The following CLTCL1 variants were observed in gnomAD, a reference collection of about 807,000 sequenced individuals.
The protein encoded by CLTCL1 is clathrin heavy chain like 1.
A neutral mutation model predicts 190.0 loss-of-function variants in CLTCL1; 159 were observed. The ratio of observed to expected loss-of-function variants is 0.84; its 90% confidence interval spans 0.74 to 0.95. The LOEUF (loss-of-function observed/expected upper bound fraction) is 0.95. CLTCL1 is among the 40% of genes least tolerant of loss of function. CLTCL1 has a pLI of 0.00. For missense variants in CLTCL1, 1,878 were observed against 2,033.4 expected (o/e 0.92, Z 1.47); for synonymous variants, 752 against 769.6 (o/e 0.98, Z 0.38).
chr22:19,208,287 A>C lies in CLTCL1; in HGVS notation c.3467T>G (p.Phe1156Cys). Residue 1156 changes from phenylalanine to cysteine, a missense_variant, in exon 22 of 33, where the codon TTT becomes TGT. By Grantham distance (205) the Phe-to-Cys change is radical. Transcript: ENST00000427926. The part of the protein sequence containing the change: ...RSNNWEDLVK[F>C]LQMARKKGRE... Reference sequence around the variant, plus strand: ...GCCCTTTTTCCTGGCCATCTGCAGAAATTTAACTAGATCCTCCCAGTTGTC... The same window carrying C: ...GCCCTTTTTCCTGGCCATCTGCAGACATTTAACTAGATCCTCCCAGTTGTC... 1.9e-6 allele frequency: 3 copies of C among 1,613,758 alleles called. No homozygotes were observed. In the African/African-American group the frequency reaches 4.0e-5, roughly 22 times the overall value.
intron 5 of CLTCL1, 24 bp from the exon 6 acceptor site, chr22:19,235,893 G>C (rs375486772): frequency 2.5e-6 from 4 of 1,600,516 alleles, no homozygotes; most frequent in African/African-American, 2.7e-5. Flanking sequence ...GAGAGCAAGA[G>C]GTTGGAAAGT....
At chr22:19,194,029 T>C (rs2084610566) in intron 26 of CLTCL1, among the ~76,000 whole-genome samples, 1 of 152,182 alleles carries the variant, frequency 6.6e-6, no homozygotes, top group Non-Finnish European at 1.5e-5. Context: ...CACATCCTGC[T>C]GATTGGCCCA....
chr22:19,273,456 G>C (rs1555981636), intron 2 of CLTCL1, among the ~76,000 whole-genome samples: 2 of 152,212 alleles, frequency 1.3e-5, no homozygotes, highest in East Asian at 3.9e-4. Context: ...CCACCTGGAA[G>C]CTGGCCTGGC....
rs139141597 is a variant in CLTCL1 at position 19,213,681 on chromosome 22, A to G, written c.3065+2430T>C. Among the ~76,000 whole-genome samples, 1,430 of 152,366 alleles carry G rather than the reference A, an allele frequency of 9.4e-3. 35 individuals are homozygous for G. Among genetic ancestry groups the G allele is most frequent in the East Asian group, 0.068 (354 of 5,188 alleles). On this transcript the variant is annotated intron_variant, in intron 19 of 32. Coordinates refer to ENST00000427926, the MANE Select transcript of CLTCL1 (RefSeq NM_007098.4). ...ACGCTGGGTGAAAGAAGCCTGTCAC[A>G]GAGGAGTCTATACCACGTGACTCCA...
At chr22:19,215,064 A>C (rs1014080547) in intron 19 of CLTCL1, among the ~76,000 whole-genome samples, 3 of 152,250 alleles carry the variant, frequency 2.0e-5, no homozygotes, top group Middle Eastern at 3.2e-3. Context: ...TTAAGAAGAC[A>C]GCAGAGCTAC....
rs549518574 is a variant in CLTCL1 at position 19,211,123 on chromosome 22, C to T, written c.3066-614G>A. ...CAATTCAAAAATGTGGAAAAAAAAT[C>T]AGTGTAACACACCACATATCAATAA... On this transcript the variant is annotated intron_variant, in intron 19 of 32. Coordinates refer to ENST00000427926, the MANE Select transcript of CLTCL1 (RefSeq NM_007098.4). Among the ~76,000 whole-genome samples the T allele has an allele frequency of 5.3e-5, 8 of 152,242 alleles. No individual in the cohort carries two copies. The East Asian group carries it at 1.5e-3, about 29-fold the overall frequency.
rs377056451 is a variant in CLTCL1 at position 19,195,447 on chromosome 22, G to T, written c.4191+819C>A. ...TCACCTGGCAGCACACGTGCCACTC[G>T]CGCCCACCCTCAGTAGCCGCATGTG... is the stretch of plus-strand genomic sequence containing the variant. On this transcript the variant is annotated intron_variant, in intron 26 of 32. Coordinates refer to ENST00000427926, the MANE Select transcript of CLTCL1 (RefSeq NM_007098.4). Among the ~76,000 whole-genome samples, 5 of 152,312 alleles carry T rather than the reference G, an allele frequency of 3.3e-5. No homozygotes were observed. In the South Asian group the frequency reaches 1.0e-3, roughly 32 times the overall value.
At chr22:19,246,818 C>T (rs2086434397) in intron 3 of CLTCL1, among the ~76,000 whole-genome samples, 2 of 152,106 alleles carry the variant, frequency 1.3e-5, no homozygotes, top group South Asian at 4.1e-4. Flanking sequence ...CTAATGATGT[C>T]AAGCAAGTCA....
intron 3 of CLTCL1, among the ~76,000 whole-genome samples, chr22:19,244,050 T>G (rs912679812): frequency 6.6e-6 from 1 of 152,182 alleles, no homozygotes; most frequent in African/African-American, 2.4e-5. Context: ...CAATGTCAAA[T>G]GCTCAAAAAG....
chr22:19,256,335 T>TTTTTTC lies in CLTCL1; in HGVS notation c.251-2114_251-2109dup, dbSNP rs199649030. ...GCCACACTCAGCTAATTTTTCTTTT[T>TTTTTTC]TTTTTCTTTTTCTTTTATCTTTTTT... On this transcript the variant is annotated intron_variant, in intron 2 of 32. Coordinates refer to ENST00000427926, the MANE Select transcript of CLTCL1 (RefSeq NM_007098.4). Among the ~76,000 whole-genome samples, 391 of 148,358 alleles carry TTTTTTC rather than the reference T, an allele frequency of 2.6e-3. 5 individuals carry two copies. Among genetic ancestry groups the TTTTTTC allele is most frequent in the African/African-American group, 8.5e-3 (345 of 40,622 alleles).
rs782029873 is a variant in CLTCL1, at chr22:19,180,827, G to A, written c.4828-21C>T. 25 of 1,611,780 alleles carry A rather than the reference G, an allele frequency of 1.6e-5. No individual in the cohort carries two copies. In the Middle Eastern group the frequency reaches 8.2e-4, roughly 53 times the overall value. On this transcript the variant is annotated intron_variant, in intron 30 of 32. Coordinates refer to ENST00000427926, the MANE Select transcript of CLTCL1 (RefSeq NM_007098.4). ...TCCACCTGCAAGGAGGCAAAAGCACGTGAGCACCCGCTTGACAGAGTGCAG... is the reference window on the plus strand; with the variant it reads ...TCCACCTGCAAGGAGGCAAAAGCACATGAGCACCCGCTTGACAGAGTGCAG...
intron 5 of CLTCL1, among the ~76,000 whole-genome samples, chr22:19,236,970 A>G (rs1419817215): frequency 2.6e-5 from 4 of 152,308 alleles, no homozygotes; most frequent in African/African-American, 9.6e-5. Flanking sequence ...ATAAAAAACA[A>G]GGACAATTAG....
At chr22:19,243,635 C>A (rs1362338226) in intron 3 of CLTCL1, among the ~76,000 whole-genome samples, 2 of 151,860 alleles carry the variant, frequency 1.3e-5, no homozygotes, top group Non-Finnish European at 2.9e-5. Context: ...AACCAAAACC[C>A]CCAAACCAGT....
At chr22:19,219,544 C>T (rs1371391396) in intron 18 of CLTCL1, among the ~76,000 whole-genome samples, 1 of 149,594 alleles carries the variant, frequency 6.7e-6, no homozygotes, top group Non-Finnish European at 1.5e-5. Context: ...AGTGCAGTGG[C>T]ACGATGTCGG....
At chr22:19,184,164 C>T (rs2084234656) in intron 29 of CLTCL1, 1 of 265,290 alleles carries the variant, frequency 3.8e-6, no homozygotes. Flanking sequence ...CTTTCTGTGG[C>T]CATTCTCTAT....
chr22:19,208,132 G>A, intron 22 of CLTCL1, 22 bp downstream of exon 22: 1 of 1,613,650 alleles, frequency 6.2e-7, no homozygotes, highest in Non-Finnish European at 8.5e-7. Context: ...GCAGTGCACA[G>A]CCCCCAGGGG....
intron 4 of CLTCL1, among the ~76,000 whole-genome samples, chr22:19,242,352 C>T (rs962560831): frequency 6.6e-6 from 1 of 151,506 alleles, no homozygotes; most frequent in African/African-American, 2.4e-5. Flanking sequence ...TGTAGTGGTG[C>T]GATCTCGACT....
chr22:19,260,929 AG>A (rs2086925703), intron 2 of CLTCL1, among the ~76,000 whole-genome samples: 1 of 150,376 alleles, frequency 6.6e-6, no homozygotes, highest in African/African-American at 2.4e-5. Context: ...TCTACTGATC[AG>A]AAAAAAAAAA....
At chr22:19,247,850 C>T (rs782119258) in intron 3 of CLTCL1, among the ~76,000 whole-genome samples, 20 of 151,902 alleles carry the variant, frequency 1.3e-4, no homozygotes, top group Non-Finnish European at 2.6e-4. Context: ...TGTGAGTCAC[C>T]GTGCCTGGCC....
Sources: allele counts gnomAD v4.1 joint callset (sites outside exome capture counted in the v4.1 genomes callset), GRCh38; gene constraint gnomAD v4.1.1; transcripts MANE v1.5; gene names NCBI Gene and HGNC (gene_info 2026-07-23, HGNC 2026-07-21).